CCDC85A: variants seen among roughly 807,000 people sequenced by gnomAD.
The protein encoded by CCDC85A is coiled-coil domain-containing protein 85A.
CCDC85A carries 38 observed loss-of-function variants against 50.2 expected under a neutral mutation model. The observed-to-expected ratio is 0.76, with a 90% CI of 0.58 to 0.99. CCDC85A has a LOEUF of 0.99. Ranked by LOEUF, CCDC85A falls within the 50% of genes least tolerant of loss-of-function variation. CCDC85A has a pLI of 0.00. For synonymous variants in CCDC85A, 366 were observed against 301.4 expected, an observed-to-expected ratio of 1.21 and a Z score of -2.22; for missense variants, 820 against 742.0, an observed-to-expected ratio of 1.11 and a Z score of -1.22.
At chr2:56,332,696 C>T (rs562348202) in intron 2 of CCDC85A, among the ~76,000 whole-genome samples, 2 of 135,678 alleles carry the variant, frequency 1.5e-5, no homozygotes, top group African/African-American at 5.3e-5. Flanking sequence ...TCCCCCCTCT[C>T]TCCCTCTTCT....
chr2:56,356,988 A>G (rs1354059825), intron 3 of CCDC85A, among the ~76,000 whole-genome samples: 1 of 151,798 alleles, frequency 6.6e-6, no homozygotes, highest in East Asian at 2.0e-4. Flanking sequence ...TTGAGGCAGG[A>G]TAATGACGTG....
intron 2 of CCDC85A, among the ~76,000 whole-genome samples, chr2:56,334,670 G>A (rs1404377795): frequency 6.6e-6 from 1 of 152,136 alleles, no homozygotes; most frequent in Non-Finnish European, 1.5e-5. Flanking sequence ...AACAACAAGA[G>A]CACATTATGG....
chr2:56,240,911 T>A (rs560481276), intron 2 of CCDC85A, among the ~76,000 whole-genome samples: 3 of 152,286 alleles, frequency 2.0e-5, no homozygotes, highest in East Asian at 3.9e-4. Context: ...TGCTGCATCA[T>A]GCAGTGACTC....
At chr2:56,212,201 A>G (rs1328611787) in intron 2 of CCDC85A, among the ~76,000 whole-genome samples, 1 of 152,042 alleles carries the variant, frequency 6.6e-6, no homozygotes, top group African/African-American at 2.4e-5. Flanking sequence ...TGTGTGGTAA[A>G]GTCCTCATCT....
chr2:56,234,433 C>T (rs1354425947), intron 2 of CCDC85A, among the ~76,000 whole-genome samples: 5 of 152,142 alleles, frequency 3.3e-5, no homozygotes, highest in African/African-American at 1.2e-4. Context: ...CTCGAGCTTG[C>T]CTAGCTTTTC....
intron 2 of CCDC85A, among the ~76,000 whole-genome samples, chr2:56,300,434 G>A (rs1376839906): frequency 1.3e-5 from 2 of 152,210 alleles, no homozygotes; most frequent in African/African-American, 4.8e-5. Flanking sequence ...ATGTTGGTGA[G>A]TTGACAATCC....
At chr2:56,218,399 A>G (rs1333085216) in intron 2 of CCDC85A, among the ~76,000 whole-genome samples, 2 of 151,892 alleles carry the variant, frequency 1.3e-5, no homozygotes, top group Non-Finnish European at 2.9e-5. Context: ...AACGCTTAAA[A>G]TTCAAGAAGA....
intron 2 of CCDC85A, among the ~76,000 whole-genome samples, chr2:56,290,450 G>C (rs9973951): frequency 0.043 from 6,511 of 152,046 alleles, 471 homozygotes; most frequent in African/African-American, 0.15. Context: ...CTGATTCTGT[G>C]CCCCTCTACT....
chr2:56,284,199 A>G (rs1319502727), intron 2 of CCDC85A, among the ~76,000 whole-genome samples: 1 of 151,820 alleles, frequency 6.6e-6, no homozygotes, highest in African/African-American at 2.4e-5. Flanking sequence ...GTTTATTTCT[A>G]TTGTTTTCCC....
chr2:56,291,710 A>C (rs1270038949), intron 2 of CCDC85A, among the ~76,000 whole-genome samples: 1 of 151,982 alleles, frequency 6.6e-6, no homozygotes, highest in African/African-American at 2.4e-5. Flanking sequence ...ATGTAGATAG[A>C]ACACGTAAGG....
intron 2 of CCDC85A, among the ~76,000 whole-genome samples, chr2:56,253,377 C>T (rs1385234795): frequency 3.9e-5 from 6 of 152,172 alleles, no homozygotes; most frequent in African/African-American, 1.4e-4. Flanking sequence ...GGAAGAGTTT[C>T]CAGGCAAGAG....
At chr2:56,297,233 G>A (rs1274781870) in intron 2 of CCDC85A, among the ~76,000 whole-genome samples, 1 of 152,094 alleles carries the variant, frequency 6.6e-6, no homozygotes, top group Non-Finnish European at 1.5e-5. Context: ...GAGCAAGGTT[G>A]CTTCTGTGAA....
At chr2:56,340,705 G>A (rs981654434) in intron 2 of CCDC85A, among the ~76,000 whole-genome samples, 5 of 151,810 alleles carry the variant, frequency 3.3e-5, no homozygotes, top group African/African-American at 1.2e-4. Flanking sequence ...GAGAAACCCT[G>A]TCTCTACTAA....
intron 2 of CCDC85A, among the ~76,000 whole-genome samples, chr2:56,267,232 C>T (rs144935438): frequency 1.4e-3 from 215 of 152,262 alleles, no homozygotes; most frequent in Middle Eastern, 6.8e-3. Context: ...CTTGCCAGTT[C>T]TCCAGTTCTC....
intron 3 of CCDC85A, among the ~76,000 whole-genome samples, chr2:56,358,842 T>A (rs1675369459): frequency 6.6e-6 from 1 of 152,008 alleles, no homozygotes; most frequent in African/African-American, 2.4e-5. Context: ...TGGAGTACAG[T>A]GGCACGATCT....
intron 2 of CCDC85A, among the ~76,000 whole-genome samples, chr2:56,307,605 T>A (rs1245578882): frequency 6.6e-6 from 1 of 152,214 alleles, no homozygotes; most frequent in Non-Finnish European, 1.5e-5. Context: ...TGGCAGTTAT[T>A]TAATTTGGTT....
rs944852631 is a variant in CCDC85A at position 56,210,784 on chromosome 2, C to G, written c.1240+17344C>G. ...GCTCGGTGATCCAAGGGCAAGTGTCCTAGCAGAACAAGGCAAAAGCCACCT... is the reference window on the plus strand; with the variant it reads ...GCTCGGTGATCCAAGGGCAAGTGTCGTAGCAGAACAAGGCAAAAGCCACCT... On this transcript the variant is annotated intron_variant, in intron 2 of 5. Coordinates refer to ENST00000407595, the MANE Select transcript of CCDC85A (RefSeq NM_001080433.2). 1.1e-4 allele frequency among the ~76,000 whole-genome samples: 17 copies of G among 151,854 alleles called. 1 individual carries two copies. The East Asian group carries it at 1.2e-3, about 10-fold the overall frequency.
intron 2 of CCDC85A, among the ~76,000 whole-genome samples, chr2:56,267,208 C>T (rs1027858006): frequency 2.6e-5 from 4 of 152,164 alleles, no homozygotes; most frequent in East Asian, 3.9e-4. Flanking sequence ...CTTCCACCCC[C>T]CAGACCCCAC....
At chr2:56,243,047 G>A (rs1669336539) in intron 2 of CCDC85A, among the ~76,000 whole-genome samples, 1 of 151,732 alleles carries the variant, frequency 6.6e-6, no homozygotes, top group Non-Finnish European at 1.5e-5. Context: ...TTCTCTTGAT[G>A]TTTTTAGGAT....
Sources: gnomAD v4.1 joint callset for allele counts (sites outside exome capture counted in the v4.1 genomes callset) on GRCh38, gnomAD v4.1.1 for gene constraint, MANE v1.5 for transcripts, NCBI Gene and HGNC (gene_info 2026-07-23, HGNC 2026-07-21) for gene names.